Variants in SNX14 observed in about 807,000 individuals in gnomAD.
SNX14 encodes sorting nexin-14.
In SNX14, 93 loss-of-function variants were observed where a neutral mutation model predicts 133.8. That is an observed-to-expected ratio of 0.70 (90% CI 0.59 to 0.83). The LOEUF (loss-of-function observed/expected upper bound fraction) is 0.83. SNX14 is among the 40% of genes least tolerant of loss of function. The pLI is 0.00. For synonymous variants in SNX14, 368 were observed against 365.6 expected, an observed-to-expected ratio of 1.01 and a Z score of -0.07; for missense variants, 945 against 1,094.9, an observed-to-expected ratio of 0.86 and a Z score of 1.93.
intron 26 of SNX14, among the ~76,000 whole-genome samples, chr6:85,508,802 C>T (rs1771712177): frequency 6.6e-6 from 1 of 151,694 alleles, no homozygotes; most frequent in Admixed American, 6.6e-5. Context: ...ATTAAGATCT[C>T]CACTGAATGC....
intron 1 of SNX14, among the ~76,000 whole-genome samples, chr6:85,583,045 C>A (rs898861067): frequency 6.6e-6 from 1 of 151,602 alleles, no homozygotes. Context: ...CAAACCGAAT[C>A]CAGCACATCC....
intron 6 of SNX14, among the ~76,000 whole-genome samples, chr6:85,564,987 T>TAAAAAAA (rs766090823): frequency 7.5e-6 from 1 of 133,704 alleles, no homozygotes; most frequent in African/African-American, 2.7e-5. Flanking sequence ...AAACTCTGTC[T>TAAAAAAA]AAAAAAAAAA....
chr6:85,590,844 A>G (rs1583181592), intron 1 of SNX14, among the ~76,000 whole-genome samples: 1 of 152,210 alleles, frequency 6.6e-6, no homozygotes, highest in South Asian at 2.1e-4. Flanking sequence ...CTGCAGCAAC[A>G]GCTTCATGAA....
chr6:85,557,104 A>G (rs1790043862), intron 7 of SNX14, among the ~76,000 whole-genome samples: 1 of 152,186 alleles, frequency 6.6e-6, no homozygotes, highest in East Asian at 1.9e-4. Context: ...GGGGAATACA[A>G]TAAACAAAAA....
intron 20 of SNX14, among the ~76,000 whole-genome samples, chr6:85,526,499 A>G (rs1025386923): frequency 6.6e-6 from 1 of 152,210 alleles, no homozygotes; most frequent in African/African-American, 2.4e-5. Context: ...ATTGCCCAAG[A>G]GTCAGTTTCC....
chr6:85,567,642 C>T (rs1350675850), intron 4 of SNX14, 65 bp from the exon 5 acceptor site: 10 of 1,078,728 alleles, frequency 9.3e-6, no homozygotes, highest in Non-Finnish European at 1.3e-5. Context: ...TAAATGGTAC[C>T]ATTTGGGAAT....
At chr6:85,524,549 AG>A (rs1265295886) in intron 21 of SNX14, among the ~76,000 whole-genome samples, 3 of 152,170 alleles carry the variant, frequency 2.0e-5, no homozygotes, top group Non-Finnish European at 4.4e-5. Flanking sequence ...TGGGAGGCCA[AG>A]GCAGATGGAT....
chr6:85,533,699 T>A lies in SNX14; in HGVS notation c.1710A>T (p.Pro570=), dbSNP rs200524655. The A allele has an allele frequency of 1.2e-6, 2 of 1,613,980 alleles. No individual in the cohort carries two copies. Among genetic ancestry groups the A allele is most frequent in the Non-Finnish European group, 1.7e-6 (2 of 1,180,022 alleles). ...AGGGATCCTCAAAAAAGTCTACATA[T>A]GGAATGCTAATTTTCCATGCAGCAA... is the stretch of plus-strand genomic sequence containing the variant. ...RNLAAWKISI[P]YVDFFEDPSS... The change falls in exon 18 of 29, where the codon CCA becomes CCT. Residue 570 remains proline, a synonymous_variant. Coordinates refer to ENST00000314673, the MANE Select transcript of SNX14 (RefSeq NM_153816.6).
At chr6:85,517,619 T>C in intron 23 of SNX14, 137 bp downstream of exon 23, 1 of 1,016,900 alleles carries the variant, frequency 9.8e-7, no homozygotes, top group Non-Finnish European at 1.4e-6. Context: ...TGTATACCGT[T>C]CAACTGATTT....
At chr6:85,582,399 T>C (rs915849064) in intron 1 of SNX14, among the ~76,000 whole-genome samples, 2 of 151,884 alleles carry the variant, frequency 1.3e-5, no homozygotes, top group African/African-American at 4.8e-5. Context: ...AAAAACCCTA[T>C]ATTCATCAGA....
chr6:85,531,746 C>T (rs1780372153), intron 18 of SNX14, among the ~76,000 whole-genome samples: 1 of 152,126 alleles, frequency 6.6e-6, no homozygotes, highest in Non-Finnish European at 1.5e-5. Flanking sequence ...AAGCTTTTGG[C>T]CCAGCACAGT....
intron 1 of SNX14, among the ~76,000 whole-genome samples, chr6:85,590,904 G>A (rs1346711028): frequency 6.6e-6 from 1 of 152,092 alleles, no homozygotes; most frequent in African/African-American, 2.4e-5. Flanking sequence ...TATTTATCTT[G>A]AAATGGCAGG....
At chr6:85,538,147 T>C (rs1782523272) in intron 16 of SNX14, among the ~76,000 whole-genome samples, 1 of 152,186 alleles carries the variant, frequency 6.6e-6, no homozygotes, top group African/African-American at 2.4e-5. Flanking sequence ...TATGTAGTAA[T>C]GTGTATTTTA....
At chr6:85,582,907 C>T (rs1799485390) in intron 1 of SNX14, among the ~76,000 whole-genome samples, 1 of 152,212 alleles carries the variant, frequency 6.6e-6, no homozygotes, top group Non-Finnish European at 1.5e-5. Context: ...AGGAACTCCT[C>T]CCAAACTCAT....
At chr6:85,555,846 A>G (rs1789547526) in intron 7 of SNX14, among the ~76,000 whole-genome samples, 1 of 151,956 alleles carries the variant, frequency 6.6e-6, no homozygotes, top group Admixed American at 6.6e-5. Flanking sequence ...AAAATAGCCA[A>G]GCGTGGTGGT....
intron 17 of SNX14, among the ~76,000 whole-genome samples, chr6:85,536,510 TG>T (rs1406444839): frequency 6.6e-6 from 1 of 152,198 alleles, no homozygotes. Flanking sequence ...GACGGTAAAC[TG>T]CTTGACTATT....
At position 85,526,256 on chromosome 6, in the gene SNX14, A is replaced by C. The variant is rs1562231894; in HGVS notation, c.1996-19T>G. ...GAAGTTTCTTGAATGAACAAAAAAAACGGAAAACACAGTTTAGAAATCTAG... is the reference window on the plus strand; with the variant it reads ...GAAGTTTCTTGAATGAACAAAAAAACCGGAAAACACAGTTTAGAAATCTAG... On this transcript the variant is annotated intron_variant, in intron 20 of 28. Transcript: ENST00000314673. 1 of 1,499,738 alleles carries C rather than the reference A, an allele frequency of 6.7e-7. No homozygotes were observed. The highest frequency in any genetic ancestry group is 1.9e-5 in the Admixed American group (1 of 51,508). 92.9% of individuals were successfully genotyped at this position (1,499,738 alleles called of 1,614,324 possible).
chr6:85,584,602 C>A (rs577770785), intron 1 of SNX14, among the ~76,000 whole-genome samples: 46 of 152,216 alleles, frequency 3.0e-4, no homozygotes, highest in Non-Finnish European at 6.2e-4. Context: ...ACAAACAGAT[C>A]CTTCTCAAAA....
chr6:85,543,554 G>T, intron 13 of SNX14, 51 bp downstream of exon 13: 1 of 1,431,334 alleles, frequency 7.0e-7, no homozygotes, highest in South Asian at 1.4e-5. Flanking sequence ...GAAAATAAAT[G>T]GAAAAACTGT....
Sources: allele counts gnomAD v4.1 joint callset (sites outside exome capture counted in the v4.1 genomes callset), GRCh38; gene constraint gnomAD v4.1.1; transcripts MANE v1.5; gene names NCBI Gene and HGNC (gene_info 2026-07-23, HGNC 2026-07-21).